The following RNF168 variants were observed in gnomAD, a reference collection of about 807,000 sequenced individuals.
RNF168 encodes the protein E3 ubiquitin-protein ligase RNF168.
A neutral mutation model predicts 34.9 loss-of-function variants in RNF168; 34 were observed. That is an observed-to-expected ratio of 0.97 (90% CI 0.74 to 1.30). The LOEUF is 1.30. Ranked by LOEUF, RNF168 falls within the 50% of genes most tolerant of loss-of-function variation. The pLI is 0.00. For missense variants in RNF168, 725 were observed against 682.5 expected (o/e 1.06, Z -0.69); for synonymous variants, 264 against 254.7 (o/e 1.04, Z -0.35).
chr3:196,479,841 C>T (rs1732244998), intron 4 of RNF168, among the ~76,000 whole-genome samples: 2 of 152,190 alleles, frequency 1.3e-5, no homozygotes, highest in African/African-American at 4.8e-5. Flanking sequence ...ATCTGCCTGC[C>T]TCACCCTCCC....
At chr3:196,478,616 TA>T (rs1732208908) in intron 4 of RNF168, among the ~76,000 whole-genome samples, 1 of 152,176 alleles carries the variant, frequency 6.6e-6, no homozygotes, top group Admixed American at 6.6e-5. Context: ...ACCAATTTTT[TA>T]AAAATATGAT....
Position 196,472,560 on chromosome 3 carries a change from T to C in RNF168, c.975A>G (p.Leu325=), listed in dbSNP as rs1378654413. 5.0e-6 allele frequency: 8 copies of C among 1,614,196 alleles called. No homozygotes were observed. Among genetic ancestry groups the C allele is most frequent in the South Asian group, 3.3e-5 (3 of 91,082 alleles). ...KTRPSNHGKE[L]CVLSHERPKT... ...TAGGTCGCTCGTGACTTAAGACACA[T>C]AACTCTTTCCCATGATTGCTTGGTC... Residue 325 remains leucine, a synonymous_variant, in exon 6 of 6, where the codon TTA becomes TTG. Transcript: ENST00000318037.
chr3:196,471,843 C>G lies in RNF168; in HGVS notation c.1692G>C (p.Gln564His), dbSNP rs1732013978. ...QPSISQKSVFQMFQRCTK is the reference protein window; with the variant it reads ...QPSISQKSVFHMFQRCTK ...CTTACTTTGTGCATCTCTGAAACAT[C>G]TGAAAAACACTTTTCTGTGAAATGC... The change falls in exon 6 of 6, where the codon CAG (glutamine) becomes CAC (histidine). Residue 564 changes from glutamine (Q) to histidine (H), a missense_variant. Coordinates refer to ENST00000318037, the MANE Select transcript of RNF168 (RefSeq NM_152617.4). The G allele has an allele frequency of 3.7e-6, 6 of 1,613,682 alleles. No individual in the cohort carries two copies. Among genetic ancestry groups the G allele is most frequent in the Non-Finnish European group, 4.2e-6 (5 of 1,179,572 alleles).
rs1026801214 is a variant in RNF168 at position 196,475,321 on chromosome 3, A to G, written c.681-9T>C. The G allele has an allele frequency of 9.3e-6, 14 of 1,505,606 alleles. No homozygotes were observed. The highest frequency in any genetic ancestry group is 2.7e-5 in the African/African-American group (2 of 72,920). The allele number at this position is 1,505,606 out of a possible 1,614,324, so 93.3% of individuals were successfully genotyped here. On this transcript the variant is annotated splice_polypyrimidine_tract_variant and intron_variant, in intron 4 of 5. Transcript: ENST00000318037. ...ATTTCGGTGTCAAATACCTAAAAGA[A>G]AAGTTTACCAAAGTTTCAATGCTTT...
At position 196,472,643 on chromosome 3, in the gene RNF168, T is replaced by C. The variant is rs1042743339; in HGVS notation, c.892A>G (p.Met298Val). Residue 298 changes from methionine (M) to valine (V), a missense_variant, in exon 6 of 6, where the codon ATG becomes GTG. Transcript: ENST00000318037. ...GCACCACAGGCACATAACCATGGCA[T>C]AGGGGACTCTATTGAAGAATCTGCA... ...QGADSSIESP[M>V]PWLCACGAEW... The C allele has an allele frequency of 4.3e-6, 7 of 1,612,072 alleles. No homozygotes were observed. In the African/African-American group the frequency reaches 5.3e-5, roughly 12 times the overall value.
At chr3:196,489,528 T>C (rs1257114232) in intron 1 of RNF168, among the ~76,000 whole-genome samples, 6 of 151,544 alleles carry the variant, frequency 4.0e-5, no homozygotes, top group East Asian at 2.0e-4. Flanking sequence ...GTTTTTGCCA[T>C]GTTGGCCAGG....
chr3:196,500,611 T>C (rs1732856271), intron 1 of RNF168, among the ~76,000 whole-genome samples: 1 of 152,212 alleles, frequency 6.6e-6, no homozygotes, highest in African/African-American at 2.4e-5. Flanking sequence ...ACGGAGGCGA[T>C]GCCACTGAAC....
intron 2 of RNF168, among the ~76,000 whole-genome samples, chr3:196,488,194 T>C (rs1332946406): frequency 6.6e-6 from 1 of 152,054 alleles, no homozygotes; most frequent in Admixed American, 6.6e-5. Flanking sequence ...AAATTATCCA[T>C]ATTTTGGCCA....
chr3:196,492,232 C>T (rs1245123932), intron 1 of RNF168, among the ~76,000 whole-genome samples: 1 of 152,208 alleles, frequency 6.6e-6, no homozygotes, highest in African/African-American at 2.4e-5. Context: ...GGCACAGTGG[C>T]TCATGCCTGT....
chr3:196,482,341 T>C (rs942714163), intron 4 of RNF168, among the ~76,000 whole-genome samples: 1 of 152,228 alleles, frequency 6.6e-6, no homozygotes, highest in Non-Finnish European at 1.5e-5. Context: ...TGTTTACCCA[T>C]TCATTTGTTA....
chr3:196,502,054 G>GAAAAAAAA (rs554041803), intron 1 of RNF168, among the ~76,000 whole-genome samples: 51 of 50,046 alleles, frequency 1.0e-3, no homozygotes, highest in Non-Finnish European at 1.3e-3. Flanking sequence ...AAAAAAATTA[G>GAAAAAAAA]AAAAAAAAAA....
rs1214053642 is a variant in RNF168, at chr3:196,471,706, C to T, written c.*113G>A. 6.4e-6 allele frequency: 5 copies of T among 775,586 alleles called. No individual in the cohort carries two copies. Among genetic ancestry groups the T allele is most frequent in the South Asian group, 2.9e-5 (2 of 70,046 alleles). The allele number at this position is 775,586 out of a possible 1,614,324, so 48.0% of individuals were successfully genotyped here. ...CAATCACACAGACCTTCATTAAGGACAATGAGTGTGCCTAGAGAGCAGCAT... is the reference window on the plus strand; with the variant it reads ...CAATCACACAGACCTTCATTAAGGATAATGAGTGTGCCTAGAGAGCAGCAT... On this transcript the variant is annotated 3_prime_UTR_variant, in exon 6 of 6. Coordinates refer to ENST00000318037, the MANE Select transcript of RNF168 (RefSeq NM_152617.4).
At position 196,503,718 on chromosome 3, in the gene RNF168, C is replaced by G. The variant is rs150525467; in HGVS notation, c.-545G>C. On this transcript the variant is annotated 5_prime_UTR_variant, in exon 1 of 6. Transcript: ENST00000318037. ...GAGCTCCGCGCCCCCGTCCCTCCTA[C>G]GCAGCCAGAAACCCTATTCGTTGCG... 0.014 allele frequency: 2,536 copies of G among 179,232 alleles called. 27 individuals carry two copies. The highest frequency in any genetic ancestry group is 0.021 in the Non-Finnish European group (1,777 of 83,158). The allele number at this position is 179,232 out of a possible 1,614,324, so 11.1% of individuals were successfully genotyped here. A position where few individuals can be genotyped will look rare whatever the true frequency, so the allele number is the denominator to read the frequency against.
chr3:196,480,330 A>G (rs1035504866), intron 4 of RNF168, among the ~76,000 whole-genome samples: 2 of 152,322 alleles, frequency 1.3e-5, no homozygotes, highest in Admixed American at 1.3e-4. Context: ...TGAAGGGAAA[A>G]GAAATCATTG....
At chr3:196,502,737 C>CT (rs1732932064) in intron 1 of RNF168, 136 bp downstream of exon 1, 1 of 793,458 alleles carries the variant, frequency 1.3e-6, no homozygotes, top group Non-Finnish European at 2.2e-6. Context: ...CATAAACCCC[C>CT]TAACCTCTGA....
chr3:196,487,909 C>T (rs1297754197), intron 2 of RNF168, among the ~76,000 whole-genome samples: 1 of 152,148 alleles, frequency 6.6e-6, no homozygotes, highest in Non-Finnish European at 1.5e-5. Flanking sequence ...TAATGCTTCA[C>T]TATAAACACT....
At chr3:196,502,215 T>C (rs558729044) in intron 1 of RNF168, among the ~76,000 whole-genome samples, 8 of 151,510 alleles carry the variant, frequency 5.3e-5, no homozygotes, top group African/African-American at 9.7e-5. Flanking sequence ...GGGTGCAGGG[T>C]TGAGTGATAA....
chr3:196,476,322 T>C lies in RNF168; in HGVS notation c.681-1010A>G, dbSNP rs56867889. On this transcript the variant is annotated intron_variant, in intron 4 of 5. Transcript: ENST00000318037. ...CTGGAAATGTTGGCTGTTCACGACA[T>C]TTTAAATCTCTACTATTGGGAAAAA... 8.3e-3 allele frequency among the ~76,000 whole-genome samples: 1,262 copies of C among 152,284 alleles called. 17 individuals are homozygous for C. Among genetic ancestry groups the C allele is most frequent in the African/African-American group, 0.028 (1,175 of 41,562 alleles).
intron 5 of RNF168, among the ~76,000 whole-genome samples, chr3:196,474,038 A>G (rs1158692960): frequency 6.6e-6 from 1 of 151,862 alleles, no homozygotes; most frequent in African/African-American, 2.4e-5. Context: ...TTTCCAGGCT[A>G]TCACCTTGGA....
Sources: gnomAD v4.1 joint callset for allele counts (sites outside exome capture counted in the v4.1 genomes callset) on GRCh38, gnomAD v4.1.1 for gene constraint, MANE v1.5 for transcripts, NCBI Gene and HGNC (gene_info 2026-07-23, HGNC 2026-07-21) for gene names.